PARD3B: variants seen among roughly 807,000 people sequenced by gnomAD.
PARD3B encodes the protein partitioning defective 3 homolog B.
In PARD3B, 103 loss-of-function variants were observed where a neutral mutation model predicts 130.2. The ratio of observed to expected loss-of-function variants is 0.79; its 90% CI spans 0.67 to 0.93. PARD3B has a LOEUF of 0.93. Ranked by LOEUF, PARD3B falls within the 40% of genes least tolerant of loss-of-function variation. The pLI, the probability that PARD3B is intolerant of heterozygous loss-of-function variation, is 0.00. For missense variants in PARD3B, 1,609 were observed against 1,499.2 expected, an observed-to-expected ratio of 1.07 and a Z score of -1.21; for synonymous variants, 583 against 553.2, an observed-to-expected ratio of 1.05 and a Z score of -0.76.
intron 3 of PARD3B, among the ~76,000 whole-genome samples, chr2:204,998,014 G>A (rs1261240166): frequency 6.7e-6 from 1 of 149,416 alleles, no homozygotes; most frequent in Non-Finnish European, 1.5e-5. Context: ...GAAAAGTTGA[G>A]TCAGCTCTTA....
At chr2:205,124,058 T>C (rs1187536933) in intron 8 of PARD3B, among the ~76,000 whole-genome samples, 3 of 152,226 alleles carry the variant, frequency 2.0e-5, no homozygotes, top group African/African-American at 7.2e-5. Context: ...GGCATCTGGA[T>C]AACATGTGCA....
intron 10 of PARD3B, among the ~76,000 whole-genome samples, chr2:205,157,665 A>C (rs924836216): frequency 6.6e-6 from 1 of 152,182 alleles, no homozygotes; most frequent in African/African-American, 2.4e-5. Flanking sequence ...AGTCCCTTCA[A>C]TGTGACCTTA....
intron 3 of PARD3B, among the ~76,000 whole-genome samples, chr2:205,033,390 G>A (rs921245789): frequency 1.3e-5 from 2 of 151,838 alleles, no homozygotes; most frequent in African/African-American, 4.8e-5. Flanking sequence ...AAATGCTATA[G>A]ATTATCTCCT....
chr2:205,439,063 C>T (rs1160074118), intron 19 of PARD3B, among the ~76,000 whole-genome samples: 2 of 152,076 alleles, frequency 1.3e-5, no homozygotes, highest in East Asian at 3.9e-4. Context: ...GAGAAAAATA[C>T]CTCAGAAAAT....
At chr2:204,619,256 A>G (rs181076367) in intron 1 of PARD3B, among the ~76,000 whole-genome samples, 462 of 152,310 alleles carry the variant, frequency 3.0e-3, no homozygotes, top group African/African-American at 8.8e-3. Flanking sequence ...CTGCATGACC[A>G]CTGCTGAGCT....
Position 205,366,563 on chromosome 2 carries a change from AG to A in PARD3B, c.2631-34449del, listed in dbSNP as rs1294745081. Among the ~76,000 whole-genome samples, 1 of 152,252 alleles carries A rather than the reference AG, an allele frequency of 6.6e-6. No individual in the cohort carries two copies. The highest frequency in any genetic ancestry group is 1.5e-5 in the Non-Finnish European group (1 of 68,052). ...GTGACTGAGGGACAGAGCTAATGCC[AG>A]AACACAGCTCTCTTAACTTGCAGGG... On this transcript the variant is annotated intron_variant, in intron 18 of 22. Coordinates refer to ENST00000406610, the MANE Select transcript of PARD3B (RefSeq NM_001302769.2). This position sits in a 1 kb window ranked among gnomAD's most constrained non-coding sequence, Gnocchi z 5.0.
intron 3 of PARD3B, among the ~76,000 whole-genome samples, chr2:204,990,629 CTGTGTGTGTATGTG>C (rs1693581145): frequency 6.6e-6 from 1 of 151,794 alleles, no homozygotes; most frequent in Non-Finnish European, 1.5e-5. Context: ...TTGTATCTGT[CTGTGTGTGTATGTG>C]TGTGTGTGTA....
chr2:205,334,414 T>C (rs996981302), intron 18 of PARD3B, among the ~76,000 whole-genome samples: 2 of 152,198 alleles, frequency 1.3e-5, no homozygotes, highest in Non-Finnish European at 2.9e-5. Flanking sequence ...ATGTGCAAGA[T>C]GAATTCAATT....
chr2:205,127,736 A>C (rs1340385845), intron 10 of PARD3B, among the ~76,000 whole-genome samples: 2 of 152,182 alleles, frequency 1.3e-5, no homozygotes, highest in East Asian at 1.9e-4. Flanking sequence ...AAATAAGAAA[A>C]AAAGAGTGAT....
chr2:204,770,953 T>C (rs1206738001), intron 2 of PARD3B, among the ~76,000 whole-genome samples: 2 of 152,094 alleles, frequency 1.3e-5, no homozygotes, highest in Admixed American at 6.6e-5. Flanking sequence ...TTGCAGATTG[T>C]CATGTTTCTC....
chr2:205,424,322 C>T (rs1018918463), intron 19 of PARD3B, among the ~76,000 whole-genome samples: 1 of 152,076 alleles, frequency 6.6e-6, no homozygotes, highest in African/African-American at 2.4e-5. Context: ...TGGTTCTATA[C>T]TTAAGGTGGT....
intron 2 of PARD3B, among the ~76,000 whole-genome samples, chr2:204,889,336 CTG>C (rs1260411474): frequency 3.3e-5 from 5 of 152,140 alleles, no homozygotes; most frequent in African/African-American, 1.2e-4. Flanking sequence ...AGAGAATGCC[CTG>C]TGATAGATAA....
At chr2:204,865,575 GC>G (rs2045374744) in intron 2 of PARD3B, among the ~76,000 whole-genome samples, 1 of 152,204 alleles carries the variant, frequency 6.6e-6, no homozygotes, top group African/African-American at 2.4e-5. Flanking sequence ...AGAAGTGGGA[GC>G]TAAGCTGTGA....
chr2:205,467,313 A>G (rs1465885516), intron 20 of PARD3B, among the ~76,000 whole-genome samples: 1 of 152,206 alleles, frequency 6.6e-6, no homozygotes, highest in Non-Finnish European at 1.5e-5. Context: ...ATTACAATAA[A>G]TAGGAAGATG....
intron 15 of PARD3B, among the ~76,000 whole-genome samples, chr2:205,224,994 A>T (rs1055087256): frequency 3.3e-5 from 5 of 152,022 alleles, no homozygotes; most frequent in Non-Finnish European, 7.4e-5. Flanking sequence ...CATTTTCTTT[A>T]TTCATTCCTC....
intron 2 of PARD3B, among the ~76,000 whole-genome samples, chr2:204,921,408 G>A (rs974926353): frequency 1.3e-5 from 2 of 152,148 alleles, no homozygotes; most frequent in Non-Finnish European, 2.9e-5. Flanking sequence ...TAGACCTTAT[G>A]TTAGATCATT....
Position 205,550,445 on chromosome 2 carries a change from G to C in PARD3B, c.3181-2879G>C, listed in dbSNP as rs2052567005. Among the ~76,000 whole-genome samples the C allele has an allele frequency of 6.6e-6, 1 of 152,146 alleles. No homozygotes were observed. On this transcript the variant is annotated intron_variant, in intron 21 of 22. Coordinates refer to ENST00000406610, the MANE Select transcript of PARD3B (RefSeq NM_001302769.2). This position sits in a 1 kb window ranked among gnomAD's most constrained non-coding sequence, Gnocchi z 4.5. ...CAGTATCAATGGAGAAACATACAAAGATATACACAATTAGTGAAGGACAGA... is the reference window on the plus strand; with the variant it reads ...CAGTATCAATGGAGAAACATACAAACATATACACAATTAGTGAAGGACAGA...
rs1415251572 is a variant in PARD3B at position 205,034,643 on chromosome 2, T to TG, written c.395-12932dup. On this transcript the variant is annotated intron_variant, in intron 3 of 22. Coordinates refer to ENST00000406610, the MANE Select transcript of PARD3B (RefSeq NM_001302769.2). ...TTTGCAATGCTCTAACTACAAAACTTGGGGGGATTGCTATTTAAGAAAAGC... is the reference window on the plus strand; with the variant it reads ...TTTGCAATGCTCTAACTACAAAACTTGGGGGGGATTGCTATTTAAGAAAAGC... Among the ~76,000 whole-genome samples, 6 of 152,058 alleles carry TG rather than the reference T, an allele frequency of 3.9e-5. No individual in the cohort carries two copies. In the East Asian group the frequency reaches 1.2e-3, roughly 29 times the overall value.
intron 1 of PARD3B, among the ~76,000 whole-genome samples, chr2:204,571,330 C>A (rs1294946427): frequency 6.6e-6 from 1 of 152,210 alleles, no homozygotes; most frequent in African/African-American, 2.4e-5. Flanking sequence ...TAAAGCTCAT[C>A]CCCAGCCATA....
Sources: gnomAD v4.1 joint callset for allele counts (sites outside exome capture counted in the v4.1 genomes callset) on GRCh38, gnomAD v4.1.1 for gene constraint, Gnocchi (gnomAD v3.1) non-coding constraint, MANE v1.5 for transcripts, NCBI Gene and HGNC (gene_info 2026-07-23, HGNC 2026-07-21) for gene names.